The following TBC1D2 variants were observed in gnomAD, a reference collection of about 807,000 sequenced individuals.
TBC1D2 encodes TBC1 domain family member 2, also known as TBC1 domain family member 2A.
TBC1D2 carries 58 observed loss-of-function variants against 91.1 expected under a neutral mutation model. That is an observed-to-expected ratio of 0.64 (90% confidence interval 0.52 to 0.79). The LOEUF (loss-of-function observed/expected upper bound fraction) is 0.79, where lower values mean the gene tolerates loss of function less well. Among genes scored for constraint, TBC1D2 ranks in the 30% least tolerant of loss-of-function variants. TBC1D2 has a pLI of 0.00. For missense variants in TBC1D2, 1,080 were observed against 1,208.3 expected (o/e 0.89, Z 1.57); for synonymous variants, 482 against 511.5 (o/e 0.94, Z 0.78).
chr9:98,200,627 A>C (rs972350859), intron 11 of TBC1D2, among the ~76,000 whole-genome samples: 2 of 152,208 alleles, frequency 1.3e-5, no homozygotes, highest in African/African-American at 4.8e-5. Context: ...TCCTGGCTCT[A>C]GCCTGTCTTG....
intron 3 of TBC1D2, chr9:98,235,533 A>C (rs1588055860): frequency 4.4e-6 from 2 of 456,334 alleles, no homozygotes; most frequent in East Asian, 1.2e-4. Context: ...ATCACACTTC[A>C]ATGATTTATT....
At chr9:98,212,431 A>G (rs1269024983) in intron 7 of TBC1D2, among the ~76,000 whole-genome samples, 3 of 151,320 alleles carry the variant, frequency 2.0e-5, no homozygotes, top group Admixed American at 1.3e-4. Context: ...TTCAGAAGGT[A>G]CCTCCTCCAG....
chr9:98,233,707 T>G (rs900027411), intron 3 of TBC1D2, among the ~76,000 whole-genome samples, 158 bp from the exon 4 acceptor site: 1 of 152,196 alleles, frequency 6.6e-6, no homozygotes, highest in Non-Finnish European at 1.5e-5. Flanking sequence ...TGCCTCCCCA[T>G]GCATGGCACT....
At chr9:98,226,726 C>T (rs1234139059) in intron 5 of TBC1D2, among the ~76,000 whole-genome samples, 1 of 152,218 alleles carries the variant, frequency 6.6e-6, no homozygotes, top group Admixed American at 6.5e-5. Context: ...TCCCAGGACA[C>T]AAAGTCGAGG....
rs969647623 is a variant in TBC1D2 at position 98,255,475 on chromosome 9, T to C, written c.67A>G (p.Arg23Gly). 11 of 1,582,916 alleles carry C rather than the reference T, an allele frequency of 6.9e-6. No homozygotes were observed. The highest frequency in any genetic ancestry group is 2.3e-5 in the South Asian group (2 of 85,144). Residue 23 changes from arginine (R) to glycine (G), a missense_variant, in exon 1 of 13, where the codon AGG becomes GGG. Transcript: ENST00000465784. ...SSAPGSEESA[R>G]DPQVPPPEEE... ...TCCGGAGGCGGCACCTGTGGATCCCTGGCAGACTCTTCGGACCCAGGGGCA... is the reference window on the plus strand; with the variant it reads ...TCCGGAGGCGGCACCTGTGGATCCCCGGCAGACTCTTCGGACCCAGGGGCA...
At chr9:98,240,622 A>G (rs2131273526) in intron 3 of TBC1D2, among the ~76,000 whole-genome samples, 1 of 152,302 alleles carries the variant, frequency 6.6e-6, no homozygotes, top group African/African-American at 2.4e-5. Flanking sequence ...AGGTGGGGTA[A>G]TCATCACTGC....
Position 98,221,047 on chromosome 9 carries a change from G to A in TBC1D2, c.1160C>T (p.Ala387Val), listed in dbSNP as rs61753563. Residue 387 changes from alanine (A) to valine (V), a missense_variant, in exon 6 of 13, where the codon GCG (alanine) becomes GTG (valine). Ala to Val is a moderately conservative substitution (Grantham distance 64). Transcript: ENST00000465784. ...CTGCTCCCGCAGGCTCGCTGTGTGC[G>A]CCAGGCTCTCCCGCTCCTGCTCCAG... Reference protein sequence around the residue: ...EALEQERESLAHTASLREQQV... With the variant: ...EALEQERESLVHTASLREQQV... The A allele has an allele frequency of 2.9e-3, 4,701 of 1,612,988 alleles. 121 individuals carry two copies. The African/African-American group carries it at 0.054, about 19-fold the overall frequency.
At chr9:98,229,512 C>T (rs79164077) in intron 4 of TBC1D2, among the ~76,000 whole-genome samples, 84 of 152,346 alleles carry the variant, frequency 5.5e-4, no homozygotes, top group African/African-American at 1.8e-3. Flanking sequence ...GCTTTCTCCT[C>T]AGGCACAAGC....
At chr9:98,227,966 G>A (rs1829275780) in intron 5 of TBC1D2, among the ~76,000 whole-genome samples, 1 of 152,128 alleles carries the variant, frequency 6.6e-6, no homozygotes, top group African/African-American at 2.4e-5. Context: ...AAGAAAAGAA[G>A]AAATGTACAA....
intron 3 of TBC1D2, among the ~76,000 whole-genome samples, chr9:98,242,878 T>C (rs768231801): frequency 6.9e-5 from 10 of 144,288 alleles, no homozygotes; most frequent in Non-Finnish European, 1.3e-4. Flanking sequence ...AGTGGTATGA[T>C]CATGGCTTAC....
intron 2 of TBC1D2, 124 bp downstream of exon 2, chr9:98,251,661 G>A (rs1829875930): frequency 2.2e-6 from 3 of 1,368,742 alleles, no homozygotes; most frequent in Non-Finnish European, 2.8e-6. Context: ...AACTAATCCT[G>A]AGTCATATCC....
chr9:98,211,195 T>C (rs1255722176), intron 7 of TBC1D2, among the ~76,000 whole-genome samples: 1 of 152,228 alleles, frequency 6.6e-6, no homozygotes, highest in Non-Finnish European at 1.5e-5. Flanking sequence ...AACTTCTTCA[T>C]CTGTAAAATG....
At chr9:98,201,310 T>C (rs1479289800) in intron 11 of TBC1D2, among the ~76,000 whole-genome samples, 169 bp downstream of exon 11, 2 of 152,240 alleles carry the variant, frequency 1.3e-5, no homozygotes, top group African/African-American at 4.8e-5. Flanking sequence ...GCAGAACCAC[T>C]ACTTCTCATA....
intron 6 of TBC1D2, among the ~76,000 whole-genome samples, chr9:98,219,325 A>G (rs970955147): frequency 2.0e-5 from 3 of 152,212 alleles, no homozygotes; most frequent in African/African-American, 7.2e-5. Flanking sequence ...GCCACTGTTC[A>G]ACACTGCCCA....
intron 6 of TBC1D2, chr9:98,213,552 G>T: frequency 2.5e-6 from 1 of 397,330 alleles, no homozygotes; most frequent in Non-Finnish European, 3.9e-6. Context: ...TGGGCAGTTG[G>T]GAAACTAAGT....
intron 5 of TBC1D2, among the ~76,000 whole-genome samples, chr9:98,225,908 A>G (rs1293229783): frequency 6.6e-6 from 1 of 152,242 alleles, no homozygotes; most frequent in Non-Finnish European, 1.5e-5. Context: ...CAGCTAGGAT[A>G]AGACCCCAAA....
intron 1 of TBC1D2, among the ~76,000 whole-genome samples, 186 bp from the exon 2 acceptor site, chr9:98,252,112 G>A (rs573403203): frequency 2.1e-4 from 32 of 152,272 alleles, no homozygotes; most frequent in South Asian, 4.2e-4. Context: ...CCCACTCAGC[G>A]GTTCCTTAGC....
intron 12 of TBC1D2, 76 bp downstream of exon 12, chr9:98,200,177 A>T: frequency 6.3e-7 from 1 of 1,581,276 alleles, no homozygotes; most frequent in Non-Finnish European, 8.6e-7. Context: ...TACTTGGCAA[A>T]CATCAGCCTC....
chr9:98,232,342 G>GTTTTTCTTTTTTTTTTTTTTTTTTTTT (rs1829390825), intron 4 of TBC1D2, among the ~76,000 whole-genome samples: 1 of 86,774 alleles, frequency 1.2e-5, no homozygotes, highest in Non-Finnish European at 2.4e-5. Context: ...CTCTTTTTCT[G>GTTTTTCTTTTTTTTTTTTTTTTTTTTT]TTTTTTTTTT....
Sources: gnomAD v4.1 joint callset for allele counts (sites outside exome capture counted in the v4.1 genomes callset) on GRCh38, gnomAD v4.1.1 for gene constraint, MANE v1.5 for transcripts, NCBI Gene and HGNC (gene_info 2026-07-23, HGNC 2026-07-21) for gene names.